CDH18: variants seen among roughly 807,000 people sequenced by gnomAD.
CDH18 encodes cadherin 18.
In CDH18, 31 loss-of-function variants were observed where a neutral mutation model predicts 67.9. The observed-to-expected ratio is 0.46, with a 90% CI of 0.34 to 0.62. CDH18 has a LOEUF of 0.62. Ranked by LOEUF, CDH18 falls within the 20% of genes least tolerant of loss-of-function variation. The probability of loss-of-function intolerance (pLI) is 0.01; values close to 1 mark genes in which losing one functional copy is unlikely to be tolerated. For missense variants in CDH18, 890 were observed against 975.5 expected, an observed-to-expected ratio of 0.91 and a Z score of 1.17; for synonymous variants, 362 against 347.2, an observed-to-expected ratio of 1.04 and a Z score of -0.48.
intron 2 of CDH18, among the ~76,000 whole-genome samples, chr5:20,193,394 T>C (rs1738702359): frequency 6.6e-6 from 1 of 151,982 alleles, no homozygotes; most frequent in African/African-American, 2.4e-5. Flanking sequence ...AGGAAGAAGC[T>C]GAATCCCTGA....
chr5:19,732,552 C>CA (rs1767755280), intron 4 of CDH18, among the ~76,000 whole-genome samples: 1 of 152,114 alleles, frequency 6.6e-6, no homozygotes, highest in Non-Finnish European at 1.5e-5. Flanking sequence ...GCTATGTCAT[C>CA]AAAATCAAGC....
Position 19,483,593 on chromosome 5 carries a change from C to T in CDH18, c.1631-41G>A, listed in dbSNP as rs757299898. 4 of 1,534,382 alleles carry T rather than the reference C, an allele frequency of 2.6e-6. No homozygotes were observed. In the East Asian group the frequency reaches 6.9e-5, roughly 26 times the overall value. ...GCAAAACAAAATACACTTAGTCAAG[C>T]CGCCATTCAAGATTCACATTTCCTT... On this transcript the variant is annotated intron_variant, in intron 11 of 12. Coordinates refer to ENST00000382275, the MANE Select transcript of CDH18 (RefSeq NM_004934.5).
At chr5:19,899,014 T>C (rs1225644575) in intron 2 of CDH18, among the ~76,000 whole-genome samples, 1 of 152,150 alleles carries the variant, frequency 6.6e-6, no homozygotes, top group Non-Finnish European at 1.5e-5. Context: ...GGTAATTTCT[T>C]CAAAAAAGAC....
intron 1 of CDH18, among the ~76,000 whole-genome samples, chr5:20,295,767 A>G (rs1471288492): frequency 1.3e-5 from 2 of 152,014 alleles, no homozygotes. Context: ...ATTTGATTGT[A>G]TATATGTTTA....
At chr5:20,438,258 G>GTA (rs1749334555) in intron 1 of CDH18, among the ~76,000 whole-genome samples, 1 of 149,650 alleles carries the variant, frequency 6.7e-6, no homozygotes, top group Non-Finnish European at 1.5e-5. Flanking sequence ...ATATATGTAT[G>GTA]TATATATATT....
At chr5:20,329,480 G>C (rs1463747209) in intron 1 of CDH18, among the ~76,000 whole-genome samples, 1 of 151,780 alleles carries the variant, frequency 6.6e-6, no homozygotes, top group African/African-American at 2.4e-5. Context: ...GCCTTAAATG[G>C]GGCCGGGCAT....
chr5:20,172,959 C>T (rs1345804807), intron 2 of CDH18, among the ~76,000 whole-genome samples: 2 of 150,010 alleles, frequency 1.3e-5, no homozygotes, highest in Non-Finnish European at 3.0e-5. Flanking sequence ...CATTTCACTC[C>T]AGCCTGGGCA....
chr5:19,886,235 C>G (rs1788174546), intron 2 of CDH18: 1 of 152,072 alleles, frequency 6.6e-6, no homozygotes, highest in Admixed American at 6.6e-5. Flanking sequence ...AATTTAGATT[C>G]TGCTGGTGAA....
At chr5:20,497,645 G>A (rs1460046566) in intron 1 of CDH18, among the ~76,000 whole-genome samples, 1 of 152,080 alleles carries the variant, frequency 6.6e-6, no homozygotes, top group Admixed American at 6.6e-5. Context: ...ATGCATGACT[G>A]TAGTGGTGGA....
intron 2 of CDH18, among the ~76,000 whole-genome samples, chr5:20,177,653 T>A (rs1561853356): frequency 6.6e-6 from 1 of 152,000 alleles, no homozygotes; most frequent in Non-Finnish European, 1.5e-5. Context: ...CAGATTACCA[T>A]CCTGATATGG....
intron 1 of CDH18, among the ~76,000 whole-genome samples, chr5:20,429,149 A>G (rs932589276): frequency 2.0e-5 from 3 of 151,846 alleles, no homozygotes; most frequent in Admixed American, 6.6e-5. Context: ...TGAAGTCCCT[A>G]GCTCATCCCA....
intron 1 of CDH18, among the ~76,000 whole-genome samples, chr5:20,399,736 C>T (rs1429517673): frequency 1.3e-5 from 2 of 151,918 alleles, no homozygotes; most frequent in Non-Finnish European, 2.9e-5. Context: ...ATAAATAAGC[C>T]CTTACACACA....
intron 1 of CDH18, among the ~76,000 whole-genome samples, chr5:20,261,706 G>C (rs1293950880): frequency 6.6e-6 from 1 of 152,016 alleles, no homozygotes. Context: ...ATTCCAGCCT[G>C]GGCGACAGAG....
intron 8 of CDH18, among the ~76,000 whole-genome samples, chr5:19,559,890 G>T (rs1355259469): frequency 2.1e-5 from 3 of 139,798 alleles, no homozygotes; most frequent in African/African-American, 8.4e-5. Context: ...ATCAAATCAG[G>T]AACTCAACCC....
chr5:20,241,851 CAA>C (rs1210062844), intron 2 of CDH18, among the ~76,000 whole-genome samples: 1 of 127,032 alleles, frequency 7.9e-6, no homozygotes, highest in Admixed American at 8.1e-5. Context: ...GACCCTGTCG[CAA>C]AAAAAAAAAA....
intron 2 of CDH18, among the ~76,000 whole-genome samples, chr5:20,151,005 T>C (rs950409203): frequency 3.3e-5 from 5 of 152,186 alleles, no homozygotes; most frequent in Middle Eastern, 3.4e-3. Context: ...AAGTCAACAA[T>C]TTCATTTTTT....
intron 4 of CDH18, among the ~76,000 whole-genome samples, chr5:19,742,999 C>T (rs1364609634): frequency 6.6e-6 from 1 of 152,124 alleles, no homozygotes; most frequent in Non-Finnish European, 1.5e-5. Context: ...TCCTTTCATA[C>T]CAAATAAAGC....
At chr5:20,300,297 T>TGTGCGC (rs757515681) in intron 1 of CDH18, among the ~76,000 whole-genome samples, 45 of 68,768 alleles carry the variant, frequency 6.5e-4, no homozygotes, top group African/African-American at 1.5e-3. Context: ...TTAAGTTGTG[T>TGTGCGC]GTGTGCGTGT....
intron 5 of CDH18, among the ~76,000 whole-genome samples, chr5:19,716,948 A>T (rs1176831752): frequency 6.6e-6 from 1 of 152,134 alleles, no homozygotes; most frequent in East Asian, 1.9e-4. Flanking sequence ...TATGAAAATT[A>T]AAAAATGGCT....
Sources: gnomAD v4.1 joint callset for allele counts (sites outside exome capture counted in the v4.1 genomes callset) on GRCh38, gnomAD v4.1.1 for gene constraint, MANE v1.5 for transcripts, NCBI Gene and HGNC (gene_info 2026-07-23, HGNC 2026-07-21) for gene names.